SLC4A4: variants seen among roughly 807,000 people sequenced by gnomAD.
SLC4A4 encodes the protein electrogenic sodium bicarbonate cotransporter 1.
A neutral mutation model predicts 111.5 loss-of-function variants in SLC4A4; 27 were observed. The ratio of observed to expected loss-of-function variants is 0.24; its 90% CI spans 0.18 to 0.33. SLC4A4 has a LOEUF of 0.33. Among genes scored for constraint, SLC4A4 ranks in the 10% least tolerant of loss-of-function variants. The pLI, the probability that SLC4A4 is intolerant of heterozygous loss-of-function variation, is 1.00. For synonymous variants in SLC4A4, 443 were observed against 463.4 expected (o/e 0.96, Z 0.57); for missense variants, 909 against 1,315.5 (o/e 0.69, Z 4.78).
intron 2 of SLC4A4, among the ~76,000 whole-genome samples, chr4:71,155,979 C>T (rs1216393567): frequency 1.3e-5 from 2 of 152,056 alleles, no homozygotes; most frequent in Non-Finnish European, 2.9e-5. Flanking sequence ...TACAGCAGAC[C>T]GTACAAAATT....
chr4:71,076,016 G>C (rs913459176), intron 1 of SLC4A4, among the ~76,000 whole-genome samples: 3 of 149,630 alleles, frequency 2.0e-5, no homozygotes, highest in Non-Finnish European at 4.5e-5. Context: ...TAGCAATCCC[G>C]TCAACCTGCC....
intron 7 of SLC4A4, among the ~76,000 whole-genome samples, chr4:71,432,703 C>T (rs746293693): frequency 6.6e-6 from 1 of 151,632 alleles, no homozygotes; most frequent in Non-Finnish European, 1.5e-5. Context: ...TTTGTCTCAG[C>T]TTTCTTCTTA....
intron 1 of SLC4A4, among the ~76,000 whole-genome samples, chr4:71,089,779 C>T (rs891146299): frequency 6.6e-6 from 1 of 151,960 alleles, no homozygotes; most frequent in African/African-American, 2.4e-5. Context: ...GAGGAGTACC[C>T]GGCCATGTGA....
intron 16 of SLC4A4, among the ~76,000 whole-genome samples, chr4:71,519,231 G>A (rs1331310084): frequency 6.6e-6 from 1 of 152,174 alleles, no homozygotes; most frequent in Non-Finnish European, 1.5e-5. Context: ...TAAATAGAAT[G>A]GTCATTTTAA....
intron 7 of SLC4A4, among the ~76,000 whole-genome samples, chr4:71,435,352 C>A (rs368850859): frequency 1.3e-5 from 2 of 152,218 alleles, no homozygotes; most frequent in East Asian, 3.9e-4. Context: ...AACTGGGTAG[C>A]CATATGCAGA....
intron 3 of SLC4A4, among the ~76,000 whole-genome samples, chr4:71,312,460 A>T (rs937046491): frequency 6.6e-6 from 1 of 152,206 alleles, no homozygotes; most frequent in Non-Finnish European, 1.5e-5. Context: ...CCTGGCAGAG[A>T]CACAACAAGA....
chr4:71,212,103 A>G (rs185097644), intron 1 of SLC4A4, among the ~76,000 whole-genome samples: 21 of 152,292 alleles, frequency 1.4e-4, no homozygotes, highest in Middle Eastern at 3.4e-3. Flanking sequence ...TGGCTTGTAC[A>G]AGTGTGTCTG....
chr4:71,480,585 C>T (rs1012914933), intron 14 of SLC4A4, among the ~76,000 whole-genome samples: 2 of 151,700 alleles, frequency 1.3e-5, no homozygotes, highest in Non-Finnish European at 2.9e-5. Context: ...CTCAAGTTAT[C>T]CAGAACCCTT....
chr4:71,174,803 C>A (rs553516846), intron 2 of SLC4A4, among the ~76,000 whole-genome samples: 1 of 152,276 alleles, frequency 6.6e-6, no homozygotes, highest in Non-Finnish European at 1.5e-5. Flanking sequence ...AGTGCAGTGG[C>A]ATGATTATGG....
chr4:71,443,116 C>CTCTCTCTCTCTCTCTCTATATA (rs1198759861), intron 8 of SLC4A4, among the ~76,000 whole-genome samples: 2 of 65,652 alleles, frequency 3.0e-5, no homozygotes, highest in African/African-American at 1.7e-4. Context: ...CTCTCTCTCT[C>CTCTCTCTCTCTCTCTCTATATA]TATATATATA....
intron 2 of SLC4A4, among the ~76,000 whole-genome samples, chr4:71,120,401 G>T (rs1427190731): frequency 1.3e-5 from 2 of 152,138 alleles, no homozygotes; most frequent in Admixed American, 1.3e-4. Flanking sequence ...GCTTTTCCTA[G>T]TAGAATCTCC....
intron 6 of SLC4A4, among the ~76,000 whole-genome samples, chr4:71,376,408 T>A (rs1732398013): frequency 6.6e-6 from 1 of 150,698 alleles, no homozygotes; most frequent in East Asian, 2.0e-4. Context: ...TTTCACTGTG[T>A]TAGCCAGGAT....
chr4:71,222,499 A>G (rs1718807195), intron 1 of SLC4A4, among the ~76,000 whole-genome samples: 1 of 152,204 alleles, frequency 6.6e-6, no homozygotes, highest in Non-Finnish European at 1.5e-5. Flanking sequence ...AATTTTGGGT[A>G]TTGTCTATTT....
chr4:71,363,321 C>T (rs1038886375), intron 6 of SLC4A4, among the ~76,000 whole-genome samples: 3 of 152,182 alleles, frequency 2.0e-5, no homozygotes, highest in African/African-American at 7.2e-5. Flanking sequence ...CCCATTCAGA[C>T]TATTTGGTTT....
intron 3 of SLC4A4, among the ~76,000 whole-genome samples, chr4:71,329,550 T>C (rs1727797043): frequency 6.6e-6 from 1 of 152,118 alleles, no homozygotes; most frequent in South Asian, 2.1e-4. Context: ...GCTAAGTCTG[T>C]TCTTAAGTAT....
At chr4:71,122,451 A>G (rs1743459315) in intron 2 of SLC4A4, among the ~76,000 whole-genome samples, 1 of 152,208 alleles carries the variant, frequency 6.6e-6, no homozygotes, top group Admixed American at 6.5e-5. Flanking sequence ...AGAAGTTGAA[A>G]TAGAGGTGAC....
At chr4:71,348,313 TCACACACA>T (rs35326504) in intron 4 of SLC4A4, among the ~76,000 whole-genome samples, 3,083 of 143,778 alleles carry the variant, frequency 0.021, 45 homozygotes, top group East Asian at 0.054. Flanking sequence ...ACTAATTTAG[TCACACACA>T]CACACACACA....
At chr4:71,485,381 C>G (rs966851637) in intron 14 of SLC4A4, among the ~76,000 whole-genome samples, 1 of 151,620 alleles carries the variant, frequency 6.6e-6, no homozygotes, top group African/African-American at 2.4e-5. Context: ...TTTCCTGCAT[C>G]TATTGAGATA....
intron 2 of SLC4A4, among the ~76,000 whole-genome samples, chr4:71,140,969 A>G (rs1351336650): frequency 1.3e-5 from 2 of 152,258 alleles, no homozygotes; most frequent in African/African-American, 4.8e-5. Flanking sequence ...TAAGCTAGTT[A>G]ACATATCCAT....
Sources: allele counts gnomAD v4.1 joint callset (sites outside exome capture counted in the v4.1 genomes callset), GRCh38; gene constraint gnomAD v4.1.1; transcripts MANE v1.5; gene names NCBI Gene and HGNC (gene_info 2026-07-23, HGNC 2026-07-21).